RFX7: variants seen among roughly 807,000 people sequenced by gnomAD.
The protein encoded by RFX7 is regulatory factor X7.
RFX7 carries 26 observed loss-of-function variants against 111.8 expected under a neutral mutation model. That is an observed-to-expected ratio of 0.23 (90% confidence interval 0.17 to 0.32). The LOEUF (loss-of-function observed/expected upper bound fraction) is 0.32, where lower values mean the gene tolerates loss of function less well. Among genes scored for constraint, RFX7 ranks in the 10% least tolerant of loss-of-function variants. RFX7 has a pLI of 1.00. For synonymous variants in RFX7, 624 were observed against 624.4 expected, an observed-to-expected ratio of 1.00 and a Z score of 0.01; for missense variants, 1,573 against 1,772.9, an observed-to-expected ratio of 0.89 and a Z score of 2.02.
rs185172170 is a variant in RFX7 at position 56,184,088 on chromosome 15, C to T, written c.162-4785G>A. On this transcript the variant is annotated intron_variant, in intron 2 of 9. Transcript: ENST00000559447. ...CAGGCTGGAATGCAGTATGCCATCG[C>T]GGCTCACCGCAACCTCCACCTCCCA... Among the ~76,000 whole-genome samples the T allele has an allele frequency of 8.9e-4, 134 of 151,222 alleles. 1 individual carries two copies. In the East Asian group the frequency reaches 0.019, roughly 21 times the overall value.
intron 2 of RFX7, among the ~76,000 whole-genome samples, chr15:56,227,279 A>T (rs1381378940): frequency 6.6e-6 from 1 of 152,230 alleles, no homozygotes; most frequent in African/African-American, 2.4e-5. Context: ...AAACTTGCAG[A>T]CAACATATAG....
intron 2 of RFX7, among the ~76,000 whole-genome samples, chr15:56,218,602 G>A (rs1256170603): frequency 1.3e-5 from 2 of 152,172 alleles, no homozygotes; most frequent in East Asian, 3.8e-4. Context: ...GCCTCTAGAG[G>A]TGAGGAGGCA....
chr15:56,190,798 C>A (rs141058657), intron 2 of RFX7, among the ~76,000 whole-genome samples: 1 of 152,230 alleles, frequency 6.6e-6, no homozygotes, highest in African/African-American at 2.4e-5. Flanking sequence ...AAAAAACTCT[C>A]TAATATGAAA....
At position 56,142,761 on chromosome 15, in the gene RFX7, T is replaced by A; in HGVS notation, c.401+17A>T. ...CTCTTTAATATATCAGCATGCCATA[T>A]TACACATACTACTTACTTGTACTCA... On this transcript the variant is annotated intron_variant, in intron 5 of 9. Transcript: ENST00000559447. The A allele has an allele frequency of 1.2e-6, 2 of 1,610,028 alleles. No individual in the cohort carries two copies. Among genetic ancestry groups the A allele is most frequent in the Non-Finnish European group, 1.7e-6 (2 of 1,177,642 alleles).
At chr15:56,217,051 T>G (rs1282300816) in intron 2 of RFX7, among the ~76,000 whole-genome samples, 1 of 152,200 alleles carries the variant, frequency 6.6e-6, no homozygotes, top group Non-Finnish European at 1.5e-5. Flanking sequence ...CAAAAAAAAT[T>G]AGAAAGAATA....
chr15:56,126,438 T>C (rs1434130871), intron 5 of RFX7, among the ~76,000 whole-genome samples: 1 of 152,158 alleles, frequency 6.6e-6, no homozygotes, highest in Non-Finnish European at 1.5e-5. Context: ...TCACAAACAA[T>C]TGTCATTATT....
intron 2 of RFX7, among the ~76,000 whole-genome samples, chr15:56,228,016 C>T (rs1284018571): frequency 1.3e-5 from 2 of 152,094 alleles, no homozygotes; most frequent in Non-Finnish European, 2.9e-5. Flanking sequence ...TTTTCTTCAA[C>T]ACCGATATTT....
chr15:56,243,204 C>T lies in RFX7; in HGVS notation c.82G>A (p.Val28Met). 7.4e-7 allele frequency: 1 copy of T among 1,343,474 alleles called. No homozygotes were observed. Among genetic ancestry groups the T allele is most frequent in the Non-Finnish European group, 9.9e-7 (1 of 1,010,618 alleles). 83.2% of individuals were successfully genotyped at this position (1,343,474 alleles called of 1,614,324 possible). A position where few individuals can be genotyped will look rare whatever the true frequency, so the allele number is the denominator to read the frequency against. The change falls in exon 2 of 10, where the codon GTG (valine) becomes ATG (methionine). Residue 28 changes from valine to methionine, a missense_variant. Around this residue, in one of 7 missense-constraint regions of RFX7, gnomAD observed 191 missense variants for 194.2 expected, o/e 0.98. Transcript: ENST00000559447. ...QLPPSAPNSGVALPALVPGLP... is the reference protein window; with the variant it reads ...QLPPSAPNSGMALPALVPGLP... ...CCGGGCACAAGGGCTGGCAGGGCCA[C>T]CCCCGAGTTGGGGGCGCTGGGGGGA...
At chr15:56,124,319 G>A (rs1399846825) in intron 5 of RFX7, among the ~76,000 whole-genome samples, 1 of 152,048 alleles carries the variant, frequency 6.6e-6, no homozygotes, top group African/African-American at 2.4e-5. Context: ...CTACTAGGGA[G>A]GCTGAGGCAG....
chr15:56,221,184 T>A (rs1198559642), intron 2 of RFX7, among the ~76,000 whole-genome samples: 4 of 152,232 alleles, frequency 2.6e-5, no homozygotes, highest in African/African-American at 7.2e-5. Flanking sequence ...TAGGTCCACA[T>A]AAATTTTAAG....
At chr15:56,116,542 A>C (rs751811533) in intron 5 of RFX7, among the ~76,000 whole-genome samples, 125 of 152,224 alleles carry the variant, frequency 8.2e-4, no homozygotes, top group Non-Finnish European at 1.4e-3. Flanking sequence ...TCAGTAGAAA[A>C]TGAGTGAGAT....
chr15:56,135,274 C>T (rs1186585514), intron 5 of RFX7, among the ~76,000 whole-genome samples: 1 of 151,528 alleles, frequency 6.6e-6, no homozygotes, highest in Non-Finnish European at 1.5e-5. Flanking sequence ...TCTCCAGCAC[C>T]TGTTGTTTCC....
intron 2 of RFX7, among the ~76,000 whole-genome samples, chr15:56,237,897 T>C (rs2043642925): frequency 6.6e-6 from 1 of 152,138 alleles, no homozygotes; most frequent in Non-Finnish European, 1.5e-5. Flanking sequence ...ATATGCAAAA[T>C]GCATCTTAAG....
At chr15:56,197,856 A>AT (rs2043159842) in intron 2 of RFX7, among the ~76,000 whole-genome samples, 1 of 152,156 alleles carries the variant, frequency 6.6e-6, no homozygotes, top group Admixed American at 6.5e-5. Context: ...AGAGGTAAAT[A>AT]TACCACTTAA....
intron 8 of RFX7, among the ~76,000 whole-genome samples, 163 bp downstream of exon 8, chr15:56,101,196 T>C (rs1288756092): frequency 6.6e-6 from 1 of 152,154 alleles, no homozygotes; most frequent in Non-Finnish European, 1.5e-5. Context: ...TATTATTTTC[T>C]TGGCTCAACA....
intron 3 of RFX7, among the ~76,000 whole-genome samples, chr15:56,173,056 G>T (rs2042862818): frequency 6.6e-6 from 1 of 152,194 alleles, no homozygotes; most frequent in African/African-American, 2.4e-5. Context: ...CGTGCAGAAA[G>T]AAGCAACTTA....
intron 2 of RFX7, among the ~76,000 whole-genome samples, chr15:56,232,927 GAGTTCCAAACTTTCTCACAA>G (rs1257587561): frequency 2.0e-5 from 3 of 152,120 alleles, no homozygotes; most frequent in Non-Finnish European, 2.9e-5. Context: ...AGTCTCTAGG[GAGTTCCAAACTTTCTCACAA>G]AGTTCCAAAC....
At chr15:56,170,226 GT>G (rs745670692) in intron 3 of RFX7, among the ~76,000 whole-genome samples, 1 of 152,068 alleles carries the variant, frequency 6.6e-6, no homozygotes, top group Non-Finnish European at 1.5e-5. Context: ...TACCATAAAG[GT>G]TATTGTATCA....
chr15:56,197,714 T>G (rs2043158475), intron 2 of RFX7, among the ~76,000 whole-genome samples: 1 of 151,824 alleles, frequency 6.6e-6, no homozygotes, highest in Non-Finnish European at 1.5e-5. Flanking sequence ...GGGATAGGAG[T>G]GTGGAAAAAA....
Sources: allele counts gnomAD v4.1 joint callset (sites outside exome capture counted in the v4.1 genomes callset), GRCh38; gene constraint gnomAD v4.1.1; regional missense constraint gnomAD v4.1.1; transcripts MANE v1.5; gene names NCBI Gene and HGNC (gene_info 2026-07-23, HGNC 2026-07-21).